Variants in DLGAP2 observed in about 807,000 individuals in gnomAD.
The protein encoded by DLGAP2 is DLG associated protein 2, also known as disks large-associated protein 2.
In DLGAP2, 26 loss-of-function variants were observed where a neutral mutation model predicts 100.3. The ratio of observed to expected loss-of-function variants is 0.26; its 90% CI spans 0.19 to 0.36. DLGAP2 has a LOEUF of 0.36. Ranked by LOEUF, DLGAP2 falls within the 10% of genes least tolerant of loss-of-function variation. The pLI, the probability that DLGAP2 is intolerant of heterozygous loss-of-function variation, is 1.00. For synonymous variants in DLGAP2, 886 were observed against 630.1 expected (o/e 1.41, Z -6.08); for missense variants, 1,858 against 1,453.2 (o/e 1.28, Z -4.53).
intron 2 of DLGAP2, among the ~76,000 whole-genome samples, chr8:1,104,483 T>C (rs1169375840): frequency 6.6e-6 from 1 of 152,086 alleles, no homozygotes. Flanking sequence ...GCCTTAGGGG[T>C]GGGCGTGTAA....
At chr8:814,860 A>AG (rs1433101020) in intron 1 of DLGAP2, among the ~76,000 whole-genome samples, 1 of 151,074 alleles carries the variant, frequency 6.6e-6, no homozygotes, top group Non-Finnish European at 1.5e-5. Flanking sequence ...CAAAAAAAAA[A>AG]AAAAAAAAAA....
At chr8:1,450,433 C>T (rs368662415) in intron 3 of DLGAP2, among the ~76,000 whole-genome samples, 33 of 88,356 alleles carry the variant, frequency 3.7e-4, no homozygotes, top group South Asian at 7.8e-4. Flanking sequence ...AGGGTGAAGA[C>T]GAGGTGGGCG....
rs537374692 is a variant in DLGAP2 at position 1,292,695 on chromosome 8, T to C, written c.106+33812T>C. On this transcript the variant is annotated intron_variant, in intron 3 of 14. Transcript: ENST00000637795. ...GCTTTGTAGACTGAGAAAGGTCGCG[T>C]GGATGGGGCTTTACTTTTCTTCTGA... Among the ~76,000 whole-genome samples the C allele has an allele frequency of 2.6e-5, 4 of 152,320 alleles. No homozygotes were observed. In the South Asian group the frequency reaches 8.3e-4, roughly 32 times the overall value.
intron 1 of DLGAP2, among the ~76,000 whole-genome samples, chr8:828,249 T>G (rs1380658226): frequency 6.6e-6 from 1 of 152,178 alleles, no homozygotes; most frequent in Non-Finnish European, 1.5e-5. Context: ...CTCTTCCTAA[T>G]AAGCCTGGGA....
intron 2 of DLGAP2, among the ~76,000 whole-genome samples, chr8:971,767 G>T (rs940837983): frequency 6.6e-6 from 1 of 152,144 alleles, no homozygotes; most frequent in Non-Finnish European, 1.5e-5. Flanking sequence ...TGTTTTTCAA[G>T]CCTCACAGAC....
intron 7 of DLGAP2, among the ~76,000 whole-genome samples, chr8:1,631,937 C>T (rs1224603000): frequency 6.6e-6 from 1 of 152,192 alleles, no homozygotes; most frequent in Non-Finnish European, 1.5e-5. Flanking sequence ...AAGAACTAAT[C>T]TGGTGTTTAA....
chr8:1,200,236 T>C (rs1797841385), intron 2 of DLGAP2, among the ~76,000 whole-genome samples: 1 of 152,154 alleles, frequency 6.6e-6, no homozygotes, highest in Non-Finnish European at 1.5e-5. Flanking sequence ...CTTCGTGTCT[T>C]TTCCTCACTG....
At chr8:1,541,069 C>T (rs1584907185) in intron 4 of DLGAP2, among the ~76,000 whole-genome samples, 1 of 152,150 alleles carries the variant, frequency 6.6e-6, no homozygotes, top group Non-Finnish European at 1.5e-5. Context: ...CATCAGAGTA[C>T]TTGAGAATAT....
intron 1 of DLGAP2, among the ~76,000 whole-genome samples, chr8:883,046 C>G (rs1242931866): frequency 3.9e-5 from 6 of 152,248 alleles, no homozygotes; most frequent in Non-Finnish European, 7.3e-5. Context: ...CTTCCTGGGT[C>G]CCGTGCTCTG....
intron 2 of DLGAP2, among the ~76,000 whole-genome samples, chr8:923,099 GCAAGTTACTACGGAA>G (rs1290641877): frequency 1.3e-5 from 2 of 152,200 alleles, no homozygotes; most frequent in Non-Finnish European, 2.9e-5. Context: ...CCTGACTGCA[GCAAGTTACTACGGAA>G]CAAGTTACTA....
intron 3 of DLGAP2, among the ~76,000 whole-genome samples, chr8:1,442,329 T>C (rs569038499): frequency 2.3e-4 from 30 of 129,286 alleles, no homozygotes; most frequent in Non-Finnish European, 3.0e-4. Context: ...GTTCAGCCAC[T>C]GGGGGAGATG....
intron 1 of DLGAP2, among the ~76,000 whole-genome samples, chr8:888,708 A>G (rs1797972927): frequency 6.7e-6 from 1 of 150,174 alleles, no homozygotes; most frequent in Non-Finnish European, 1.5e-5. Flanking sequence ...GTGCCTGGAG[A>G]TGTCACTCAG....
chr8:1,294,302 G>GA (rs1800123238), intron 3 of DLGAP2, among the ~76,000 whole-genome samples: 1 of 152,122 alleles, frequency 6.6e-6, no homozygotes, highest in South Asian at 2.1e-4. Context: ...CTTATTAAGG[G>GA]AAAAAATGCC....
chr8:1,431,879 T>C (rs867402732), intron 3 of DLGAP2, among the ~76,000 whole-genome samples: 7 of 152,262 alleles, frequency 4.6e-5, no homozygotes, highest in Middle Eastern at 3.4e-3. Context: ...CAGCACCCCA[T>C]GCCAGCCAGC....
chr8:1,496,448 C>G (rs1336509377), intron 3 of DLGAP2, among the ~76,000 whole-genome samples: 1 of 152,148 alleles, frequency 6.6e-6, no homozygotes, highest in African/African-American at 2.4e-5. Flanking sequence ...GGGCCCGGGC[C>G]TCTGAGGACC....
At chr8:1,480,433 A>G (rs958185913) in intron 3 of DLGAP2, among the ~76,000 whole-genome samples, 2 of 152,190 alleles carry the variant, frequency 1.3e-5, no homozygotes, top group African/African-American at 2.4e-5. Context: ...GCACGTTCCC[A>G]CACACATATT....
intron 1 of DLGAP2, among the ~76,000 whole-genome samples, chr8:743,691 G>A (rs1412160354): frequency 6.6e-6 from 1 of 152,142 alleles, no homozygotes; most frequent in Non-Finnish European, 1.5e-5. Context: ...AGCCTCCCGA[G>A]TAGCTGGGAC....
intron 1 of DLGAP2, among the ~76,000 whole-genome samples, chr8:777,109 CTTCT>C (rs1189816465): frequency 6.6e-6 from 1 of 152,058 alleles, no homozygotes; most frequent in South Asian, 2.1e-4. Context: ...ATGTAATGGC[CTTCT>C]TTGTCTCTTT....
chr8:852,515 G>T (rs140787347), intron 1 of DLGAP2, among the ~76,000 whole-genome samples: 52 of 152,314 alleles, frequency 3.4e-4, no homozygotes, highest in African/African-American at 1.2e-3. Flanking sequence ...TCAAGATTCT[G>T]TGGGTCATTT....
Sources: gnomAD v4.1 joint callset for allele counts (sites outside exome capture counted in the v4.1 genomes callset) on GRCh38, gnomAD v4.1.1 for gene constraint, MANE v1.5 for transcripts, NCBI Gene and HGNC (gene_info 2026-07-23, HGNC 2026-07-21) for gene names.